Variants in RAD52 observed in about 807,000 individuals in gnomAD.
The protein encoded by RAD52 is DNA repair protein RAD52 homolog.
RAD52 carries 47 observed loss-of-function variants against 55.5 expected under a neutral mutation model. The observed-to-expected ratio is 0.85, with a 90% CI of 0.67 to 1.08. The LOEUF is 1.08. Among genes scored for constraint, RAD52 ranks in the 50% least tolerant of loss-of-function variants. The pLI is 0.00. For synonymous variants in RAD52, 184 were observed against 198.9 expected (o/e 0.92, Z 0.63); for missense variants, 468 against 522.8 (o/e 0.90, Z 1.02).
At chr12:947,789 G>A (rs1958326676) in intron 1 of RAD52, among the ~76,000 whole-genome samples, 1 of 150,834 alleles carries the variant, frequency 6.6e-6, no homozygotes. Context: ...CGAGGAGGCT[G>A]AGATAGGAGA....
chr12:961,825 T>G (rs1265218602), intron 1 of RAD52, among the ~76,000 whole-genome samples: 1 of 152,060 alleles, frequency 6.6e-6, no homozygotes, highest in Non-Finnish European at 1.5e-5. Flanking sequence ...ATCAATCCAC[T>G]GCACTGCAGC....
chr12:932,470 G>A (rs1024169899), intron 2 of RAD52, among the ~76,000 whole-genome samples: 1 of 152,048 alleles, frequency 6.6e-6, no homozygotes, highest in Non-Finnish European at 1.5e-5. Context: ...ACTGCAGCCT[G>A]GGTGACAAAG....
intron 1 of RAD52, among the ~76,000 whole-genome samples, chr12:936,411 T>TTTTTTTTTTTTTTTTTTTTTTTTTTG (rs1957631984): frequency 6.6e-6 from 1 of 151,480 alleles, no homozygotes; most frequent in African/African-American, 2.4e-5. Context: ...TTTGCTCTTT[T>TTTTTTTTTTTTTTTTTTTTTTTTTTG]ACTTTGAAAA....
Position 927,128 on chromosome 12 carries a change from C to CT in RAD52, c.467+16_467+17insA. 1 of 1,606,878 alleles carries CT rather than the reference C, an allele frequency of 6.2e-7. No individual in the cohort carries two copies. ...GAGCTGAAATGACGCAGGTTAGACT[C>CT]CCAGCCCCGCGCTCACCTGAGGGCT... On this transcript the variant is annotated intron_variant, in intron 6 of 11. Coordinates refer to ENST00000358495, the MANE Select transcript of RAD52 (RefSeq NM_134424.4).
intron 6 of RAD52, chr12:926,906 G>A (rs1156964680): frequency 6.5e-7 from 1 of 1,537,072 alleles, no homozygotes; most frequent in Non-Finnish European, 8.7e-7. Context: ...ACGGAGAAGA[G>A]AGAGTACAGG....
At chr12:961,167 G>A (rs1053142444) in intron 1 of RAD52, among the ~76,000 whole-genome samples, 2 of 151,658 alleles carry the variant, frequency 1.3e-5, no homozygotes, top group East Asian at 3.9e-4. Context: ...AAAATTAGCT[G>A]GGCGTGGTGG....
intron 1 of RAD52, among the ~76,000 whole-genome samples, chr12:959,730 A>G (rs928486150): frequency 3.9e-5 from 6 of 152,178 alleles, no homozygotes; most frequent in African/African-American, 1.4e-4. Flanking sequence ...AGACAAAGAC[A>G]ACATATTTGA....
At chr12:960,380 G>A (rs1189723993) in intron 1 of RAD52, among the ~76,000 whole-genome samples, 1 of 152,190 alleles carries the variant, frequency 6.6e-6, no homozygotes, top group Admixed American at 6.5e-5. Flanking sequence ...TAATACCTGG[G>A]TTTTTCACTT....
At chr12:930,738 G>A (rs1223929668) in intron 3 of RAD52, among the ~76,000 whole-genome samples, 1 of 151,962 alleles carries the variant, frequency 6.6e-6, no homozygotes, top group Non-Finnish European at 1.5e-5. Flanking sequence ...AGGCCGAGGT[G>A]GGAGGATCAC....
chr12:978,889 G>GATA (rs1369641671), intron 1 of RAD52, among the ~76,000 whole-genome samples: 2 of 105,176 alleles, frequency 1.9e-5, no homozygotes, highest in South Asian at 3.7e-4. Flanking sequence ...GTAGATGATA[G>GATA]GTAGATAGAT....
rs1956140219 is a variant in RAD52 at position 912,444 on chromosome 12, A to G, written c.*947T>C. 1 of 200,184 alleles carries G rather than the reference A, an allele frequency of 5.0e-6. No individual in the cohort carries two copies. 12.4% of individuals were successfully genotyped at this position (200,184 alleles called of 1,614,324 possible). ...ACGTTCAGACTTGGGTCCCATCCCC[A>G]AGGTCTCATTATGTGTATACAAATA... On this transcript the variant is annotated 3_prime_UTR_variant, in exon 12 of 12. Transcript: ENST00000358495.
At chr12:918,789 C>T (rs1398380230) in intron 7 of RAD52, among the ~76,000 whole-genome samples, 1 of 151,962 alleles carries the variant, frequency 6.6e-6, no homozygotes, top group Non-Finnish European at 1.5e-5. Flanking sequence ...CACAGCTGGG[C>T]CTTCTCGGTA....
chr12:985,788 G>A (rs1959078141), intron 1 of RAD52, among the ~76,000 whole-genome samples: 1 of 146,840 alleles, frequency 6.8e-6, no homozygotes, highest in Admixed American at 6.8e-5. Flanking sequence ...GATTACAGGC[G>A]CCCACCACCA....
At chr12:946,544 G>A (rs564362067) in intron 1 of RAD52, among the ~76,000 whole-genome samples, 68 of 152,290 alleles carry the variant, frequency 4.5e-4, no homozygotes, top group African/African-American at 1.6e-3. Flanking sequence ...CAAAAGTGAT[G>A]CCTGAACAAA....
At chr12:968,378 T>C (rs959360482) in intron 1 of RAD52, among the ~76,000 whole-genome samples, 3 of 151,994 alleles carry the variant, frequency 2.0e-5, no homozygotes, top group Non-Finnish European at 4.4e-5. Flanking sequence ...TGGCAGCCAC[T>C]AGATAAGGCA....
At chr12:926,719 C>G in intron 6 of RAD52, 1 of 1,371,864 alleles carries the variant, frequency 7.3e-7, no homozygotes, top group Non-Finnish European at 9.8e-7. Flanking sequence ...TACCCAGCCT[C>G]TGGTATTCCT....
At chr12:945,434 A>C (rs12231979) in intron 1 of RAD52, among the ~76,000 whole-genome samples, 38,962 of 150,312 alleles carry the variant, frequency 0.26, 5,251 homozygotes, top group East Asian at 0.36. Context: ...CCACACTCTG[A>C]AGTATGTCTT....
intron 1 of RAD52, among the ~76,000 whole-genome samples, chr12:949,049 AATTTTT>A (rs1232309495): frequency 1.1e-4 from 17 of 152,042 alleles, no homozygotes; most frequent in African/African-American, 3.6e-4. Flanking sequence ...GTGAGCGTCA[AATTTTT>A]ATTTTTATTT....
At chr12:980,295 C>CTT (rs1051155058) in intron 1 of RAD52, among the ~76,000 whole-genome samples, 4 of 139,654 alleles carry the variant, frequency 2.9e-5, no homozygotes, top group Non-Finnish European at 3.1e-5. Flanking sequence ...GTTGTCTTTC[C>CTT]TTTTTTTTTT....
Sources: gnomAD v4.1 joint callset for allele counts (sites outside exome capture counted in the v4.1 genomes callset) on GRCh38, gnomAD v4.1.1 for gene constraint, MANE v1.5 for transcripts, NCBI Gene and HGNC (gene_info 2026-07-23, HGNC 2026-07-21) for gene names.